Variants in ERGIC1 observed in about 807,000 individuals in gnomAD.
The protein encoded by ERGIC1 is endoplasmic reticulum-golgi intermediate compartment 1, also known as endoplasmic reticulum-Golgi intermediate compartment protein 1.
In ERGIC1, 19 loss-of-function variants were observed where a neutral mutation model predicts 38.3. The ratio of observed to expected loss-of-function variants is 0.50; its 90% CI spans 0.35 to 0.73. The LOEUF is 0.73. ERGIC1 is among the 30% of genes least tolerant of loss of function. The pLI, the probability that ERGIC1 is intolerant of heterozygous loss-of-function variation, is 0.01. For synonymous variants in ERGIC1, 124 were observed against 157.6 expected, an observed-to-expected ratio of 0.79 and a Z score of 1.60; for missense variants, 294 against 389.2, an observed-to-expected ratio of 0.76 and a Z score of 2.06.
chr5:172,919,600 ATGACTC>A (rs1763459632), intron 5 of ERGIC1, among the ~76,000 whole-genome samples: 1 of 152,210 alleles, frequency 6.6e-6, no homozygotes, highest in African/African-American at 2.4e-5. Flanking sequence ...CACTGGTTGA[ATGACTC>A]TGGGCAGTTT....
rs1026899292 is a variant in ERGIC1 at position 172,926,936 on chromosome 5, C to T, written c.541+367C>T. The T allele has an allele frequency of 1.1e-4, 27 of 254,566 alleles. No homozygotes were observed. Among genetic ancestry groups the T allele is most frequent in the Non-Finnish European group, 1.8e-4 (23 of 127,626 alleles). The allele number at this position is 254,566 out of a possible 1,614,324, so 15.8% of individuals were successfully genotyped here. On this transcript the variant is annotated intron_variant, in intron 7 of 9. Transcript: ENST00000393784. This position sits in a 1 kb window ranked among gnomAD's most constrained non-coding sequence, Gnocchi z 5.2. ...CAGGATCTGTTCTGCCTCCAGGTCG[C>T]ACCGTGAGAACAGGTCTGTGGGTGG...
intron 5 of ERGIC1, chr5:172,915,191 G>A (rs1561733931): frequency 6.5e-6 from 4 of 614,232 alleles, no homozygotes; most frequent in South Asian, 1.9e-5. Context: ...TAGGCTGAGG[G>A]TGTGATGGCG....
intron 4 of ERGIC1, among the ~76,000 whole-genome samples, chr5:172,913,778 G>A (rs1340288781): frequency 1.3e-5 from 2 of 152,202 alleles, no homozygotes; most frequent in African/African-American, 4.8e-5. Flanking sequence ...GAGTCCCAGT[G>A]AGGTGACAGA....
chr5:172,913,648 G>A lies in ERGIC1; in HGVS notation c.251-1066G>A, dbSNP rs963978889. Among the ~76,000 whole-genome samples the A allele has an allele frequency of 4.6e-5, 7 of 152,224 alleles. No homozygotes were observed. In the East Asian group the frequency reaches 1.2e-3, roughly 25 times the overall value. ...ATGGCACCTCCTTTCTAGCGCTCCT[G>A]CCAGGGAAATTCCTACATTTCCATA... On this transcript the variant is annotated intron_variant, in intron 4 of 9. Coordinates refer to ENST00000393784, the MANE Select transcript of ERGIC1 (RefSeq NM_001031711.3).
intron 1 of ERGIC1, among the ~76,000 whole-genome samples, chr5:172,867,968 C>G (rs981347372): frequency 6.6e-6 from 1 of 152,168 alleles, no homozygotes; most frequent in African/African-American, 2.4e-5. Context: ...GAGATTCAGC[C>G]AGTTGCTTAG....
intron 2 of ERGIC1, among the ~76,000 whole-genome samples, chr5:172,890,087 G>A (rs1762519525): frequency 6.6e-6 from 1 of 152,218 alleles, no homozygotes; most frequent in African/African-American, 2.4e-5. Flanking sequence ...GCAAGTGCCA[G>A]TGAGGAACCA....
intron 3 of ERGIC1, among the ~76,000 whole-genome samples, chr5:172,905,737 G>GAAAC (rs1427752302): frequency 4.7e-4 from 34 of 72,344 alleles, no homozygotes; most frequent in Middle Eastern, 6.3e-3. Context: ...AGCTCGAGCC[G>GAAAC]GAACACAGAC....
chr5:172,843,014 T>C (rs1002052229), intron 1 of ERGIC1, among the ~76,000 whole-genome samples: 4 of 152,102 alleles, frequency 2.6e-5, no homozygotes, highest in African/African-American at 9.7e-5. Context: ...CATGGTGGTA[T>C]GCGCCTGTAG....
intron 5 of ERGIC1, chr5:172,917,855 A>G (rs773848911): frequency 6.6e-6 from 1 of 152,186 alleles, no homozygotes; most frequent in Non-Finnish European, 1.5e-5. Context: ...GAGACTGTTT[A>G]TATGCACCAC....
intron 2 of ERGIC1, among the ~76,000 whole-genome samples, chr5:172,892,056 G>A (rs1762573651): frequency 8.8e-6 from 1 of 113,130 alleles, no homozygotes; most frequent in Non-Finnish European, 1.9e-5. Flanking sequence ...CTGGGTTAAA[G>A]AGTATGTTTT....
At chr5:172,835,535 G>T (rs1761013269) in intron 1 of ERGIC1, among the ~76,000 whole-genome samples, 1 of 152,186 alleles carries the variant, frequency 6.6e-6, no homozygotes, top group African/African-American at 2.4e-5. Context: ...GATGGGGGGT[G>T]TTCTCCAGGA....
intron 1 of ERGIC1, among the ~76,000 whole-genome samples, chr5:172,841,137 G>C (rs76917736): frequency 1.7e-4 from 26 of 152,286 alleles, no homozygotes; most frequent in African/African-American, 6.3e-4. Flanking sequence ...TCTGTTGTCA[G>C]CTTTAACTTT....
rs1335761988 is a variant in ERGIC1 at position 172,914,827 on chromosome 5, A to G, written c.364A>G (p.Ser122Gly). 1.2e-6 allele frequency: 2 copies of G among 1,614,084 alleles called. No individual in the cohort carries two copies. Among genetic ancestry groups the G allele is most frequent in the African/African-American group, 2.7e-5 (2 of 74,918 alleles). The stretch of plus-strand genomic sequence containing the variant: ...AGGCTGCCGCTTCGAGGGGCAGTTC[A>G]GCATCAACAAGGTATGGAAGCCCTG... ...GAGCRFEGQF[S>G]INKVPGNFHV... Residue 122 changes from serine (S) to glycine (G), a missense_variant, in exon 5 of 10, where the codon AGC becomes GGC. Transcript: ENST00000393784.
intron 1 of ERGIC1, among the ~76,000 whole-genome samples, chr5:172,851,681 CAG>C (rs1761407912): frequency 2.0e-5 from 3 of 152,050 alleles, no homozygotes; most frequent in Non-Finnish European, 2.9e-5. Flanking sequence ...ATGGTCACCT[CAG>C]GGGCTTCAGG....
chr5:172,914,795 AT>A lies in ERGIC1; in HGVS notation c.333del (p.Asn111LysfsTer36). 1 of 1,614,176 alleles carries A rather than the reference AT, an allele frequency of 6.2e-7. No homozygotes were observed. The highest frequency in any genetic ancestry group is 8.5e-7 in the Non-Finnish European group (1 of 1,180,036). On this transcript the variant is annotated frameshift_variant, in exon 5 of 10. Coordinates refer to ENST00000393784, the MANE Select transcript of ERGIC1 (RefSeq NM_001031711.3). LOFTEE classifies it high-confidence loss of function. ...IDNSMKIPLN[N>X]GAGCRFEGQF... is the part of the protein sequence containing the mutation. ...AACTCCATGAAGATCCCGCTGAACA[AT>A]GGGGCAGGCTGCCGCTTCGAGGGGC...
At position 172,837,083 on chromosome 5, in the gene ERGIC1, T is replaced by A. The variant is rs1761055008; in HGVS notation, c.20+2650T>A. On this transcript the variant is annotated intron_variant, in intron 1 of 9. Transcript: ENST00000393784. The surrounding 1 kb of genome is among the most constrained non-coding windows in gnomAD (Gnocchi z 4.3). ...GGGAGTGGAGAGGGGTATACCGTGA[T>A]TAGACCTCCTCCCCCAGTTCAAGGC... Among the ~76,000 whole-genome samples, 1 of 152,106 alleles carries A rather than the reference T, an allele frequency of 6.6e-6. No individual in the cohort carries two copies. The highest frequency in any genetic ancestry group is 1.9e-4 in the East Asian group (1 of 5,192).
At chr5:172,870,904 T>C (rs889528140) in intron 1 of ERGIC1, among the ~76,000 whole-genome samples, 19 of 152,206 alleles carry the variant, frequency 1.2e-4, no homozygotes, top group African/African-American at 4.1e-4. Context: ...CTTCCCTGGC[T>C]CAGCGGGCCT....
chr5:172,868,312 C>T (rs138637090), intron 1 of ERGIC1, among the ~76,000 whole-genome samples: 4 of 152,280 alleles, frequency 2.6e-5, no homozygotes, highest in African/African-American at 9.6e-5. Flanking sequence ...TCTGAAAATC[C>T]GTGGGGATTG....
At chr5:172,908,053 G>A (rs139010337) in intron 3 of ERGIC1, among the ~76,000 whole-genome samples, 33 of 151,716 alleles carry the variant, frequency 2.2e-4, no homozygotes, top group African/African-American at 6.5e-4. Context: ...TGGCCGATGC[G>A]GTCGACAGAA....
Sources: allele counts gnomAD v4.1 joint callset (sites outside exome capture counted in the v4.1 genomes callset), GRCh38; gene constraint gnomAD v4.1.1; non-coding constraint Gnocchi (gnomAD v3.1); transcripts MANE v1.5; gene names NCBI Gene and HGNC (gene_info 2026-07-23, HGNC 2026-07-21).